The following FBN2 variants were observed in gnomAD, a reference collection of about 807,000 sequenced individuals.
FBN2 encodes the protein fibrillin-2.
FBN2 carries 105 observed loss-of-function variants against 355.6 expected under a neutral mutation model. The observed-to-expected ratio is 0.30, with a 90% confidence interval of 0.25 to 0.35. The LOEUF is 0.35. Among genes scored for constraint, FBN2 ranks in the 10% least tolerant of loss-of-function variants. The pLI is 1.00. For missense variants in FBN2, 3,280 were observed against 3,758.7 expected, an observed-to-expected ratio of 0.87 and a Z score of 3.33; for synonymous variants, 1,350 against 1,301.2, an observed-to-expected ratio of 1.04 and a Z score of -0.81.
chr5:128,398,166 C>A (rs557152660), intron 8 of FBN2, among the ~76,000 whole-genome samples: 2 of 152,096 alleles, frequency 1.3e-5, no homozygotes, highest in South Asian at 4.1e-4. Context: ...ACACTCCAAG[C>A]AACTCACAAG....
At chr5:128,303,138 AT>A (rs1437610930) in intron 45 of FBN2, 49 bp from the exon 46 acceptor site, 1 of 1,096,770 alleles carries the variant, frequency 9.1e-7, no homozygotes, top group Admixed American at 1.7e-5. Flanking sequence ...CTAGAAAAAA[AT>A]GGGCTATTAA....
At chr5:128,424,559 A>AAT (rs78915201) in intron 7 of FBN2, among the ~76,000 whole-genome samples, 46 of 152,108 alleles carry the variant, frequency 3.0e-4, no homozygotes, top group African/African-American at 1.0e-3. Context: ...ACTATAGTAC[A>AAT]ATATATATTC....
chr5:128,466,165 C>G (rs1754705065), intron 5 of FBN2, among the ~76,000 whole-genome samples: 2 of 152,146 alleles, frequency 1.3e-5, no homozygotes, highest in African/African-American at 4.8e-5. Context: ...GGTCAGTTTT[C>G]TGAGGATTCA....
chr5:128,537,012 C>T (rs916133966), intron 1 of FBN2, among the ~76,000 whole-genome samples: 2 of 152,094 alleles, frequency 1.3e-5, no homozygotes, highest in Non-Finnish European at 2.9e-5. Context: ...CTTCTCTGGC[C>T]CCTGCAGCAG....
intron 36 of FBN2, among the ~76,000 whole-genome samples, chr5:128,316,709 A>C (rs1003209751): frequency 6.6e-5 from 10 of 152,164 alleles, no homozygotes; most frequent in African/African-American, 2.4e-4. Flanking sequence ...ATGAAGTGTA[A>C]AGTGGCATTC....
In FBN2 at chr5:128,318,864, G is replaced by A. The variant is rs763542250; in HGVS notation, c.4594+15C>T. The stretch of plus-strand genomic sequence containing the variant: ...CAATGAATCAGAACACAACTTAGCT[G>A]GTAACTGACCATACCTGTACAGTTC... On this transcript the variant is annotated intron_variant, in intron 35 of 64. Transcript: ENST00000262464. 1.9e-6 allele frequency: 3 copies of A among 1,610,456 alleles called. No homozygotes were observed. The highest frequency in any genetic ancestry group is 1.3e-5 in the African/African-American group (1 of 74,812).
intron 2 of FBN2, among the ~76,000 whole-genome samples, chr5:128,531,378 A>C (rs2112802819): frequency 6.6e-6 from 1 of 152,210 alleles, no homozygotes; most frequent in South Asian, 2.1e-4. Flanking sequence ...CAAAGGCATA[A>C]GAATGATATA....
At chr5:128,305,430 A>C (rs924727156) in intron 44 of FBN2, 81 bp downstream of exon 44, 1 of 1,516,160 alleles carries the variant, frequency 6.6e-7, no homozygotes, top group African/African-American at 1.4e-5. Flanking sequence ...TCTTTCCCAA[A>C]TTATTCTTGA....
intron 18 of FBN2, among the ~76,000 whole-genome samples, chr5:128,363,599 G>A (rs1342096509): frequency 6.6e-6 from 1 of 152,104 alleles, no homozygotes; most frequent in Admixed American, 6.6e-5. Flanking sequence ...GACTTTATTT[G>A]GAAATAGGAT....
At chr5:128,498,552 C>A (rs1196138889) in intron 5 of FBN2, among the ~76,000 whole-genome samples, 1 of 152,212 alleles carries the variant, frequency 6.6e-6, no homozygotes, top group Non-Finnish European at 1.5e-5. Context: ...GACACCACCT[C>A]CTTCACAAAT....
At chr5:128,476,172 G>A (rs1755002412) in intron 5 of FBN2, among the ~76,000 whole-genome samples, 1 of 152,082 alleles carries the variant, frequency 6.6e-6, no homozygotes, top group East Asian at 1.9e-4. Flanking sequence ...AAGAAAGGTG[G>A]TGAAAATAGA....
At position 128,527,869 on chromosome 5, in the gene FBN2, T is replaced by TA. The variant is rs776355328; in HGVS notation, c.532+2dup. Reference sequence around the variant, plus strand: ...TGATTTCTAATAAATCAATGTCCCTTACGTTGTCCACAATAAGTTCCAATA... The same window carrying TA: ...TGATTTCTAATAAATCAATGTCCCTTAACGTTGTCCACAATAAGTTCCAATA... On this transcript the variant is annotated splice_region_variant and intron_variant, in intron 4 of 64. Coordinates refer to ENST00000262464, the MANE Select transcript of FBN2 (RefSeq NM_001999.4). 3 of 1,580,942 alleles carry TA rather than the reference T, an allele frequency of 1.9e-6. No homozygotes were observed. The highest frequency in any genetic ancestry group is 1.7e-6 in the Non-Finnish European group (2 of 1,150,250).
intron 6 of FBN2, among the ~76,000 whole-genome samples, chr5:128,455,556 C>T (rs768375256): frequency 2.2e-4 from 34 of 151,648 alleles, no homozygotes; most frequent in Non-Finnish European, 4.6e-4. Flanking sequence ...CAGAGGCTCC[C>T]ATCAAAAAAA....
At chr5:128,348,821 G>C (rs1257576487) in intron 23 of FBN2, among the ~76,000 whole-genome samples, 2 of 152,050 alleles carry the variant, frequency 1.3e-5, no homozygotes, top group Non-Finnish European at 2.9e-5. Flanking sequence ...CCTATAATAT[G>C]CTGTTGAAAG....
At chr5:128,325,591 T>C (rs1425926045) in intron 34 of FBN2, among the ~76,000 whole-genome samples, 1 of 152,248 alleles carries the variant, frequency 6.6e-6, no homozygotes, top group Admixed American at 6.5e-5. Context: ...ATCTAAGTCT[T>C]TGTCTTACAA....
chr5:128,310,402 A>T (rs1468607490), intron 39 of FBN2, among the ~76,000 whole-genome samples: 930 of 23,172 alleles, frequency 0.04, 13 homozygotes, highest in African/African-American at 0.15. Context: ...ATATATATAT[A>T]TTTTTTTTTT....
At chr5:128,265,513 CCTCA>C (rs896958887) in intron 62 of FBN2, among the ~76,000 whole-genome samples, 64 of 152,236 alleles carry the variant, frequency 4.2e-4, no homozygotes, top group African/African-American at 1.5e-3. Context: ...CTGATTCAAG[CCTCA>C]CTCAACTATG....
intron 5 of FBN2, among the ~76,000 whole-genome samples, chr5:128,485,706 G>A (rs1755319733): frequency 6.6e-6 from 1 of 152,162 alleles, no homozygotes; most frequent in Non-Finnish European, 1.5e-5. Flanking sequence ...TCTGGAAAAG[G>A]AGGAATTGAA....
At chr5:128,376,677 AT>A in intron 14 of FBN2, 53 bp downstream of exon 14, 1 of 1,603,632 alleles carries the variant, frequency 6.2e-7, no homozygotes, top group Non-Finnish European at 8.5e-7. Flanking sequence ...GTTCATTCAA[AT>A]AAAAAAGGTG....
Sources: gnomAD v4.1 joint callset for allele counts (sites outside exome capture counted in the v4.1 genomes callset) on GRCh38, gnomAD v4.1.1 for gene constraint, MANE v1.5 for transcripts, NCBI Gene and HGNC (gene_info 2026-07-23, HGNC 2026-07-21) for gene names.